Variants in DOCK5 observed in about 807,000 individuals in gnomAD.
DOCK5 encodes dedicator of cytokinesis protein 5.
DOCK5 carries 142 observed loss-of-function variants against 251.8 expected under a neutral mutation model. The observed-to-expected ratio is 0.56, with a 90% CI of 0.49 to 0.65. The LOEUF is 0.65. Ranked by LOEUF, DOCK5 falls within the 30% of genes least tolerant of loss-of-function variation. The probability of loss-of-function intolerance (pLI) is 0.00; values close to 1 mark genes in which losing one functional copy is unlikely to be tolerated. For missense variants in DOCK5, 2,111 were observed against 2,312.3 expected (o/e 0.91, Z 1.79); for synonymous variants, 842 against 835.5 (o/e 1.01, Z -0.13).
chr8:25,283,718 C>G (rs1341227527), intron 5 of DOCK5, among the ~76,000 whole-genome samples: 2 of 152,138 alleles, frequency 1.3e-5, no homozygotes, highest in Admixed American at 1.3e-4. Flanking sequence ...TTATCTTAGG[C>G]AAAGTGGCCT....
At chr8:25,216,192 T>C (rs776415872) in intron 1 of DOCK5, among the ~76,000 whole-genome samples, 4,081 of 144,648 alleles carry the variant, frequency 0.028, 305 homozygotes, top group South Asian at 0.037. Flanking sequence ...AATATGTATA[T>C]ATGTATACAA....
At chr8:25,234,468 A>G (rs1174524932) in intron 1 of DOCK5, among the ~76,000 whole-genome samples, 1 of 152,252 alleles carries the variant, frequency 6.6e-6, no homozygotes, top group Non-Finnish European at 1.5e-5. Context: ...TTCCTTCATT[A>G]TTAAAGACTG....
intron 5 of DOCK5, among the ~76,000 whole-genome samples, chr8:25,279,440 T>C (rs1170985815): frequency 3.3e-5 from 5 of 151,918 alleles, no homozygotes; most frequent in African/African-American, 1.2e-4. Flanking sequence ...GTCTGCCTCA[T>C]CTCCAGTGTA....
rs1805020196 is a variant in DOCK5 at position 25,308,985 on chromosome 8, G to A, written c.1192+60G>A. On this transcript the variant is annotated intron_variant, in intron 12 of 51. Coordinates refer to ENST00000276440, the MANE Select transcript of DOCK5 (RefSeq NM_024940.8). ...CTGAGGGTGGGGGACATTCACAGCTGGGTCCTTGGACTCCTGCCCTTTATT... is the reference window on the plus strand; with the variant it reads ...CTGAGGGTGGGGGACATTCACAGCTAGGTCCTTGGACTCCTGCCCTTTATT... 2.0e-5 allele frequency: 31 copies of A among 1,571,660 alleles called. No homozygotes were observed. In the South Asian group the frequency reaches 3.6e-4, roughly 18 times the overall value.
chr8:25,382,843 G>C (rs1801093882), intron 40 of DOCK5, 65 bp downstream of exon 40: 6 of 1,359,020 alleles, frequency 4.4e-6, no homozygotes, highest in Non-Finnish European at 5.1e-6. Flanking sequence ...TTCTTTTCCA[G>C]ATGGGCAACA....
rs1437380457 is a variant in DOCK5 at position 25,389,099 on chromosome 8, C to T, written c.4140C>T (p.Ile1380=). 1 of 1,613,812 alleles carries T rather than the reference C, an allele frequency of 6.2e-7. No homozygotes were observed. The highest frequency in any genetic ancestry group is 1.3e-5 in the African/African-American group (1 of 75,014). The change falls in exon 41 of 52, where the codon ATC becomes ATT. Residue 1380 remains isoleucine (I), a synonymous_variant. Transcript: ENST00000276440. ...QGFPSFLRNK[I]FIYRGKEYER... ...CTGTGTCTCACCTGCAGAATAAAATCTTCATCTATCGGGGAAAGGAGTATG... is the reference window on the plus strand; with the variant it reads ...CTGTGTCTCACCTGCAGAATAAAATTTTCATCTATCGGGGAAAGGAGTATG...
At chr8:25,239,035 G>A (rs906381262) in intron 1 of DOCK5, among the ~76,000 whole-genome samples, 20 of 152,294 alleles carry the variant, frequency 1.3e-4, no homozygotes, top group African/African-American at 3.9e-4. Flanking sequence ...AGAGATCCAC[G>A]CAGGTAATCG....
At chr8:25,232,831 T>C (rs1436220176) in intron 1 of DOCK5, among the ~76,000 whole-genome samples, 1 of 152,180 alleles carries the variant, frequency 6.6e-6, no homozygotes, top group East Asian at 1.9e-4. Flanking sequence ...TTCTGAGCTC[T>C]CAGCCCAGTA....
chr8:25,301,827 G>A (rs1277851972), intron 9 of DOCK5, among the ~76,000 whole-genome samples: 1 of 152,196 alleles, frequency 6.6e-6, no homozygotes, highest in East Asian at 1.9e-4. Flanking sequence ...TCATAAATCA[G>A]GTGAATAGTC....
chr8:25,330,178 G>A (rs903260351), intron 18 of DOCK5, among the ~76,000 whole-genome samples: 1 of 152,154 alleles, frequency 6.6e-6, no homozygotes, highest in African/African-American at 2.4e-5. Flanking sequence ...ATAAGAGCTG[G>A]AGAATATGGA....
intron 14 of DOCK5, 121 bp from the exon 15 acceptor site, chr8:25,319,457 A>T (rs972574043): frequency 1.6e-5 from 9 of 566,490 alleles, no homozygotes; most frequent in Non-Finnish European, 2.5e-5. Context: ...TCAGCCGATC[A>T]GTGCCAGTGT....
At chr8:25,268,101 T>C (rs1320488406) in intron 2 of DOCK5, among the ~76,000 whole-genome samples, 1 of 152,070 alleles carries the variant, frequency 6.6e-6, no homozygotes, top group Non-Finnish European at 1.5e-5. Flanking sequence ...GACGTCATGA[T>C]CCACCTGCCT....
At chr8:25,256,624 G>A (rs189582764) in intron 2 of DOCK5, among the ~76,000 whole-genome samples, 4 of 140,442 alleles carry the variant, frequency 2.8e-5, no homozygotes, top group African/African-American at 5.4e-5. Flanking sequence ...GGTCGACAGA[G>A]CGAATCTCCA....
At position 25,411,269 on chromosome 8, in the gene DOCK5, A is replaced by G. The variant is rs1266592678; in HGVS notation, c.5584A>G (p.Ile1862Val). 1 of 1,576,918 alleles carries G rather than the reference A, an allele frequency of 6.3e-7. No homozygotes were observed. Among genetic ancestry groups the G allele is most frequent in the Non-Finnish European group, 8.6e-7 (1 of 1,164,148 alleles). Residue 1862 changes from isoleucine (I) to valine (V), a missense_variant, in exon 52 of 52, where the codon ATC becomes GTC. This residue lies in a region of DOCK5 where 1,717 missense variants were observed against 1,892.4 expected (regional missense o/e 0.91). Transcript: ENST00000276440. ...ACCTCCAAAGGCTCGGAAGTCTGGCATCCCTACTTCCGAGCCTGGATCCCA... is the reference window on the plus strand; with the variant it reads ...ACCTCCAAAGGCTCGGAAGTCTGGCGTCCCTACTTCCGAGCCTGGATCCCA... Reference protein sequence around the residue: ...PPPPKARKSGIPTSEPGSQ With the variant: ...PPPPKARKSGVPTSEPGSQ
chr8:25,390,117 T>A (rs759305364), intron 41 of DOCK5, 89 bp from the exon 42 acceptor site: 5 of 1,139,882 alleles, frequency 4.4e-6, no homozygotes, highest in Non-Finnish European at 6.2e-6. Context: ...TGGTGGCATT[T>A]CCGGCTGTGA....
At chr8:25,309,182 CATTT>C (rs1413502744) in intron 12 of DOCK5, among the ~76,000 whole-genome samples, 1 of 151,944 alleles carries the variant, frequency 6.6e-6, no homozygotes, top group African/African-American at 2.4e-5. Context: ...ACTCTTTATT[CATTT>C]ATTTATTTAT....
chr8:25,285,047 G>A (rs1051964699), intron 5 of DOCK5, among the ~76,000 whole-genome samples: 1 of 152,200 alleles, frequency 6.6e-6, no homozygotes, highest in Non-Finnish European at 1.5e-5. Context: ...TGTAACTTTG[G>A]AAGACTGGAT....
At chr8:25,362,266 T>C (rs1379562898) in intron 28 of DOCK5, among the ~76,000 whole-genome samples, 1 of 152,144 alleles carries the variant, frequency 6.6e-6, no homozygotes, top group African/African-American at 2.4e-5. Context: ...AACTGAAATC[T>C]ATTAAAAGTA....
intron 49 of DOCK5, among the ~76,000 whole-genome samples, chr8:25,408,582 CAGA>C (rs373262553): frequency 9.6e-4 from 146 of 152,308 alleles, no homozygotes; most frequent in Non-Finnish European, 1.5e-3. Flanking sequence ...CAACTGTGAT[CAGA>C]AGAATCAAGT....
Sources: gnomAD v4.1 joint callset for allele counts (sites outside exome capture counted in the v4.1 genomes callset) on GRCh38, gnomAD v4.1.1 for gene constraint, gnomAD v4.1.1 regional missense constraint, MANE v1.5 for transcripts, NCBI Gene and HGNC (gene_info 2026-07-23, HGNC 2026-07-21) for gene names.